Variants in CSPG5 observed in about 807,000 individuals in gnomAD.
The protein encoded by CSPG5 is chondroitin sulfate proteoglycan 5.
Under a neutral mutation model 39.8 loss-of-function variants are expected in CSPG5, and 25 were observed. That is an observed-to-expected ratio of 0.63 (90% CI 0.46 to 0.88). The LOEUF (loss-of-function observed/expected upper bound fraction) is 0.88. CSPG5 is among the 40% of genes least tolerant of loss of function. CSPG5 has a pLI of 0.00. For synonymous variants in CSPG5, 295 were observed against 303.9 expected (o/e 0.97, Z 0.31); for missense variants, 627 against 702.2 (o/e 0.89, Z 1.21).
Position 47,576,081 on chromosome 3 carries a change from T to G in CSPG5, c.1193+752A>C, listed in dbSNP as rs186024927. 2.0e-5 allele frequency among the ~76,000 whole-genome samples: 3 copies of G among 152,090 alleles called. No individual in the cohort carries two copies. In the East Asian group the frequency reaches 5.8e-4, roughly 30 times the overall value. ...TCCCGAGTAGCTGGGATTACAGGCATGTGCCACCACACCCGGCTAAATTTT... is the reference window on the plus strand; with the variant it reads ...TCCCGAGTAGCTGGGATTACAGGCAGGTGCCACCACACCCGGCTAAATTTT... On this transcript the variant is annotated intron_variant, in intron 2 of 4. Transcript: ENST00000264723.
intron 4 of CSPG5, among the ~76,000 whole-genome samples, chr3:47,566,984 C>T (rs1303233306): frequency 1.3e-5 from 2 of 152,240 alleles, no homozygotes; most frequent in Non-Finnish European, 2.9e-5. Flanking sequence ...GGGTCAGTGG[C>T]AGCGTTCAGG....
At position 47,578,791 on chromosome 3, in the gene CSPG5, GC is replaced by G; in HGVS notation, c.-99del. 5.6e-6 allele frequency: 1 copy of G among 177,772 alleles called. No homozygotes were observed. The highest frequency in any genetic ancestry group is 1.1e-5 in the Non-Finnish European group (1 of 93,914). 11.0% of individuals were successfully genotyped at this position (177,772 alleles called of 1,614,324 possible). A position where few individuals can be genotyped will look rare whatever the true frequency, so the allele number is the denominator to read the frequency against. On this transcript the variant is annotated 5_prime_UTR_variant, in exon 1 of 5. The change abolishes the stop of an existing upstream ORF in the 5' untranslated region. Coordinates refer to ENST00000264723, the MANE Select transcript of CSPG5 (RefSeq NM_006574.4). This position sits in a 1 kb window ranked among gnomAD's most constrained non-coding sequence, Gnocchi z 6.0. Reference sequence around the variant, plus strand: ...TCCCGCCGGTTCTGCGGCCGCCTCAGCCCACGATGGGCAGCGCGAGGAGCCG... The same window carrying G: ...TCCCGCCGGTTCTGCGGCCGCCTCAGCCACGATGGGCAGCGCGAGGAGCCG...
chr3:47,576,112 T>G (rs2031717871), intron 2 of CSPG5, among the ~76,000 whole-genome samples: 1 of 151,848 alleles, frequency 6.6e-6, no homozygotes, highest in Admixed American at 6.6e-5. Context: ...ATTTTTTATG[T>G]TTTTAGTAGA....
At chr3:47,579,797 C>T (rs913846140), upstream of CSPG5, 1 of 152,268 alleles carries the variant, frequency 6.6e-6, no homozygotes, top group African/African-American at 2.4e-5. This position sits in a 1 kb window ranked among gnomAD's most constrained non-coding sequence, Gnocchi z 4.2. Flanking sequence ...GACCACGCAC[C>T]AGGAGGTCTG....
At chr3:47,569,833 G>C (rs1295715081) in intron 3 of CSPG5, among the ~76,000 whole-genome samples, 2 of 149,032 alleles carry the variant, frequency 1.3e-5, no homozygotes, top group Admixed American at 1.3e-4. Flanking sequence ...CTGCAGCCTT[G>C]ACCTCCTGGA....
rs1392725448 is a variant in CSPG5 at position 47,578,361 on chromosome 3, G to A, written c.97+236C>T. Among the ~76,000 whole-genome samples, 1 of 43,502 alleles carries A rather than the reference G, an allele frequency of 2.3e-5. No homozygotes were observed. Among genetic ancestry groups the A allele is most frequent in the Non-Finnish European group, 4.4e-5 (1 of 22,930 alleles). The allele number at this position is 43,502 out of a possible 152,430, so 28.5% of individuals were successfully genotyped here. ...CCGCCCCCGGCCCCGCCCCCAGTCC[G>A]CACCGCGGCCCGCGCGCTTGGGTCC... On this transcript the variant is annotated intron_variant, in intron 1 of 4. Coordinates refer to ENST00000264723, the MANE Select transcript of CSPG5 (RefSeq NM_006574.4). This position sits in a 1 kb window ranked among gnomAD's most constrained non-coding sequence, Gnocchi z 6.0.
At chr3:47,574,268 G>A (rs2031626835) in intron 2 of CSPG5, among the ~76,000 whole-genome samples, 1 of 152,136 alleles carries the variant, frequency 6.6e-6, no homozygotes, top group South Asian at 2.1e-4. Context: ...AGGAGATTCT[G>A]GGGACTTTTA....
intron 4 of CSPG5, among the ~76,000 whole-genome samples, chr3:47,564,589 A>G (rs1215850530): frequency 1.3e-5 from 2 of 152,322 alleles, no homozygotes; most frequent in Non-Finnish European, 2.9e-5. Flanking sequence ...AGGCAGCTGC[A>G]CACAGCACGC....
At chr3:47,565,098 C>A (rs1009233653) in intron 4 of CSPG5, among the ~76,000 whole-genome samples, 9 of 152,130 alleles carry the variant, frequency 5.9e-5, no homozygotes, top group Non-Finnish European at 1.3e-4. Context: ...CAGAAACATT[C>A]TCATGATGTG....
At chr3:47,563,068 C>T (rs139328078) in intron 4 of CSPG5, among the ~76,000 whole-genome samples, 16 of 152,312 alleles carry the variant, frequency 1.1e-4, no homozygotes, top group Admixed American at 2.6e-4. Flanking sequence ...TTGGCCCAGG[C>T]GCCTCTATAG....
In CSPG5 at chr3:47,569,142, G is replaced by A; in HGVS notation, c.1458+10C>T. 6.2e-7 allele frequency: 1 copy of A among 1,608,846 alleles called. No individual in the cohort carries two copies. The highest frequency in any genetic ancestry group is 8.5e-7 in the Non-Finnish European group (1 of 1,177,880). ...GAGGAGGTACGGGGAGTGTTGCAAAGTTTCCTTACATTTGGGTGAGAGCCC... is the reference window on the plus strand; with the variant it reads ...GAGGAGGTACGGGGAGTGTTGCAAAATTTCCTTACATTTGGGTGAGAGCCC... On this transcript the variant is annotated intron_variant, in intron 4 of 4. Coordinates refer to ENST00000264723, the MANE Select transcript of CSPG5 (RefSeq NM_006574.4).
In CSPG5 at chr3:47,578,534, G is replaced by A; in HGVS notation, c.97+63C>T. On this transcript the variant is annotated intron_variant, in intron 1 of 4. Transcript: ENST00000264723. The surrounding 1 kb of genome is among the most constrained non-coding windows in gnomAD (Gnocchi z 6.0). The stretch of plus-strand genomic sequence containing the variant: ...ACAGCTCCACCTGTCCCCGCCGCCA[G>A]CGGGACCCCTGCCCTGGGTGGGGCA... 1 of 533,880 alleles carries A rather than the reference G, an allele frequency of 1.9e-6. No individual in the cohort carries two copies. The highest frequency in any genetic ancestry group is 2.0e-5 in the African/African-American group (1 of 49,292). 33.1% of individuals were successfully genotyped at this position (533,880 alleles called of 1,614,324 possible). A position where few individuals can be genotyped will look rare whatever the true frequency, so the allele number is the denominator to read the frequency against.
rs1472693560 is a variant in CSPG5 at position 47,562,532 on chromosome 3, A to G, written c.*68T>C. 1.1e-5 allele frequency: 15 copies of G among 1,423,000 alleles called. No homozygotes were observed. Among genetic ancestry groups the G allele is most frequent in the Non-Finnish European group, 1.5e-5 (15 of 1,022,676 alleles). The allele number at this position is 1,423,000 out of a possible 1,614,324, so 88.1% of individuals were successfully genotyped here. On this transcript the variant is annotated 3_prime_UTR_variant, in exon 5 of 5. Coordinates refer to ENST00000264723, the MANE Select transcript of CSPG5 (RefSeq NM_006574.4). ...TGGTTACAAGAAATAGACTCTGTAC[A>G]AGAGGAGATAATGTTTCTTCCCCTA...
At chr3:47,575,269 T>C (rs73081294) in intron 2 of CSPG5, among the ~76,000 whole-genome samples, 2,469 of 152,080 alleles carry the variant, frequency 0.016, 34 homozygotes, top group Non-Finnish European at 0.025. Flanking sequence ...CTACTAAAAA[T>C]AAAAAGAGAC....
chr3:47,577,263 C>G lies in CSPG5; in HGVS notation c.763G>C (p.Asp255His). The change falls in exon 2 of 5, where the codon GAT becomes CAT. Residue 255 changes from aspartate to histidine, a missense_variant. Coordinates refer to ENST00000264723, the MANE Select transcript of CSPG5 (RefSeq NM_006574.4). This position sits in a 1 kb window ranked among gnomAD's most constrained non-coding sequence, Gnocchi z 4.7. ...GATTCATCGAAGGGGGTGAAATCAT[C>G]GTATAAGTCAAGCAGGCTCCAGGAA... ...TPSWSLLDLY[D>H]DFTPFDESDF... 6.2e-7 allele frequency: 1 copy of G among 1,612,314 alleles called. No homozygotes were observed. The highest frequency in any genetic ancestry group is 8.5e-7 in the Non-Finnish European group (1 of 1,179,156).
intron 3 of CSPG5, among the ~76,000 whole-genome samples, chr3:47,570,131 G>A (rs2031475340): frequency 6.6e-6 from 1 of 151,658 alleles, no homozygotes; most frequent in Admixed American, 6.6e-5. Flanking sequence ...TGCAGAATAT[G>A]TCAGTGTGTT....
In CSPG5 at chr3:47,562,777, A is replaced by C; in HGVS notation, c.1459-16T>G. ...TAGGATCATCCTGGAAGAGGGAAAA[A>C]GTTGGGGGGGGGGAGACAATGCATA... On this transcript the variant is annotated splice_polypyrimidine_tract_variant and intron_variant, in intron 4 of 4. Coordinates refer to ENST00000264723, the MANE Select transcript of CSPG5 (RefSeq NM_006574.4). The C allele has an allele frequency of 1.3e-6, 2 of 1,509,994 alleles. No homozygotes were observed. Among genetic ancestry groups the C allele is most frequent in the East Asian group, 2.4e-5 (1 of 41,270 alleles). 93.5% of individuals were successfully genotyped at this position (1,509,994 alleles called of 1,614,324 possible). A position where few individuals can be genotyped will look rare whatever the true frequency, so the allele number is the denominator to read the frequency against.
At chr3:47,576,311 G>A (rs1440249736) in intron 2 of CSPG5, among the ~76,000 whole-genome samples, 2 of 152,128 alleles carry the variant, frequency 1.3e-5, no homozygotes, top group African/African-American at 4.8e-5. Context: ...TATTTCTGAG[G>A]AACCTCTCCT....
rs977760209 is a variant in CSPG5, at chr3:47,568,555, C to G, written c.1458+597G>C. On this transcript the variant is annotated intron_variant, in intron 4 of 4. Transcript: ENST00000264723. ...TAGGATCCTCAAATAGCAGCAAGGA[C>G]ACAGAAGTCTTTCCACCCATCCCAA... is the stretch of plus-strand genomic sequence containing the variant. Among the ~76,000 whole-genome samples the G allele has an allele frequency of 3.9e-5, 6 of 152,292 alleles. No homozygotes were observed. The East Asian group carries it at 9.6e-4, about 24-fold the overall frequency.
Sources: allele counts gnomAD v4.1 joint callset (sites outside exome capture counted in the v4.1 genomes callset), GRCh38; gene constraint gnomAD v4.1.1; non-coding constraint Gnocchi (gnomAD v3.1); transcripts MANE v1.5; gene names NCBI Gene and HGNC (gene_info 2026-07-23, HGNC 2026-07-21).